NFYC: variants seen among roughly 807,000 people sequenced by gnomAD.
NFYC encodes CAAT box DNA-binding protein subunit C.
In NFYC, 25 loss-of-function variants were observed where a neutral mutation model predicts 53.1. The observed-to-expected ratio is 0.47, with a 90% CI of 0.34 to 0.66. The LOEUF (loss-of-function observed/expected upper bound fraction) is 0.66, where lower values mean the gene tolerates loss of function less well. NFYC is among the 30% of genes least tolerant of loss of function. NFYC has a pLI of 0.01. For missense variants in NFYC, 260 were observed against 422.7 expected, an observed-to-expected ratio of 0.62 and a Z score of 3.38; for synonymous variants, 145 against 152.6, an observed-to-expected ratio of 0.95 and a Z score of 0.37.
chr1:40,755,061 G>C (rs2148712210), intron 5 of NFYC, among the ~76,000 whole-genome samples: 1 of 152,258 alleles, frequency 6.6e-6, no homozygotes, highest in East Asian at 1.9e-4. Flanking sequence ...GTTTTCCCAG[G>C]CTTCAAATTG....
intron 5 of NFYC, 100 bp from the exon 6 acceptor site, chr1:40,758,021 G>C: frequency 7.6e-7 from 1 of 1,319,932 alleles, no homozygotes; most frequent in Admixed American, 1.9e-5. Flanking sequence ...CATTCAGCAG[G>C]CAACTGCACA....
At chr1:40,754,334 C>T in intron 5 of NFYC, 1 of 534,484 alleles carries the variant, frequency 1.9e-6, no homozygotes, top group Non-Finnish European at 3.8e-6. Context: ...GGGTGTGCCT[C>T]ACTGCGTCTC....
At chr1:40,714,258 T>C (rs1424010658) in intron 1 of NFYC, among the ~76,000 whole-genome samples, 1 of 152,206 alleles carries the variant, frequency 6.6e-6, no homozygotes, top group Non-Finnish European at 1.5e-5. Context: ...TTTTAAGCAT[T>C]TGACAAGACT....
chr1:40,705,002 A>G (rs976912620), intron 1 of NFYC, among the ~76,000 whole-genome samples: 1 of 152,220 alleles, frequency 6.6e-6, no homozygotes, highest in African/African-American at 2.4e-5. Context: ...GTTGAATTGG[A>G]TGACATTTAA....
intron 1 of NFYC, among the ~76,000 whole-genome samples, chr1:40,733,268 A>G (rs769544247): frequency 2.0e-5 from 3 of 151,964 alleles, no homozygotes; most frequent in Non-Finnish European, 4.4e-5. Flanking sequence ...AGAGAGGTGC[A>G]GATCGGGCCT....
At chr1:40,692,298 AG>A (rs1642861573) in intron 1 of NFYC, 1 of 156,276 alleles carries the variant, frequency 6.4e-6, no homozygotes, top group Non-Finnish European at 1.4e-5. Flanking sequence ...TTGCGGCGAG[AG>A]GGCGAGCCTA....
intron 1 of NFYC, among the ~76,000 whole-genome samples, chr1:40,701,131 C>T (rs900690199): frequency 6.6e-6 from 1 of 152,128 alleles, no homozygotes; most frequent in Non-Finnish European, 1.5e-5. Context: ...GAGTCTCGCC[C>T]TGTCACCCAG....
At chr1:40,738,731 T>A in intron 1 of NFYC, 105 bp from the exon 2 acceptor site, 1 of 753,450 alleles carries the variant, frequency 1.3e-6, no homozygotes, top group Non-Finnish European at 2.2e-6. Context: ...AACTGAAAGA[T>A]TGAATAGATT....
At chr1:40,766,726 G>A (rs1185261554) in intron 8 of NFYC, 23 bp downstream of exon 8, 3 of 1,602,220 alleles carry the variant, frequency 1.9e-6, no homozygotes, top group African/African-American at 2.7e-5. Flanking sequence ...GAGACACAAG[G>A]CCTGTGTTGG....
rs536820058 is a variant in NFYC, at chr1:40,691,882, G to A, written c.-9+15G>A. 1 of 385,664 alleles carries A rather than the reference G, an allele frequency of 2.6e-6. No homozygotes were observed. The highest frequency in any genetic ancestry group is 5.3e-6 in the Non-Finnish European group (1 of 190,016). The allele number at this position is 385,664 out of a possible 1,614,324, so 23.9% of individuals were successfully genotyped here. A position where few individuals can be genotyped will look rare whatever the true frequency, so the allele number is the denominator to read the frequency against. On this transcript the variant is annotated intron_variant, in intron 1 of 9. Coordinates refer to ENST00000447388, the MANE Select transcript of NFYC (RefSeq NM_014223.5). ...CCTGAGCAGAGGTGTGTGAGTGTGC[G>A]GGAGTTTCTGTGCGAGGGTGATAGG...
At chr1:40,728,771 G>C (rs1020515642) in intron 1 of NFYC, among the ~76,000 whole-genome samples, 1 of 152,026 alleles carries the variant, frequency 6.6e-6, no homozygotes, top group Non-Finnish European at 1.5e-5. Context: ...TTGAGTAGCT[G>C]GGATTACAGG....
chr1:40,714,745 T>C (rs1644062180), intron 1 of NFYC, among the ~76,000 whole-genome samples: 2 of 151,998 alleles, frequency 1.3e-5, no homozygotes, highest in East Asian at 3.9e-4. Context: ...CTCCGAGTAA[T>C]TGGGACTACA....
chr1:40,734,374 T>A (rs1206723919), intron 1 of NFYC, among the ~76,000 whole-genome samples: 2 of 150,496 alleles, frequency 1.3e-5, no homozygotes, highest in Non-Finnish European at 2.9e-5. Context: ...ATTTATTTAT[T>A]TATTTTGAGA....
intron 2 of NFYC, among the ~76,000 whole-genome samples, chr1:40,739,345 C>T (rs920996643): frequency 2.0e-5 from 3 of 152,172 alleles, no homozygotes; most frequent in African/African-American, 4.8e-5. Context: ...ATTTATTCAA[C>T]AACAAATCTA....
chr1:40,769,199 T>A, intron 8 of NFYC, 157 bp from the exon 9 acceptor site: 1 of 704,868 alleles, frequency 1.4e-6, no homozygotes, highest in Non-Finnish European at 2.6e-6. Context: ...CAGTGCTAGA[T>A]TAGGAGGGGT....
chr1:40,753,066 C>T lies in NFYC; in HGVS notation c.292-85C>T, dbSNP rs1481379687. The stretch of plus-strand genomic sequence containing the variant: ...TAGGTGTTTAGTTTGGCTTAAAAGT[C>T]GTCTTACCTTACTTGGAGGGTATAA... On this transcript the variant is annotated intron_variant, in intron 4 of 9. Coordinates refer to ENST00000447388, the MANE Select transcript of NFYC (RefSeq NM_014223.5). The T allele has an allele frequency of 4.6e-5, 43 of 926,850 alleles. No individual in the cohort carries two copies. The East Asian group carries it at 9.0e-4, about 19-fold the overall frequency. The allele number at this position is 926,850 out of a possible 1,614,324, so 57.4% of individuals were successfully genotyped here.
chr1:40,706,924 C>T (rs1643719606), intron 1 of NFYC, among the ~76,000 whole-genome samples: 1 of 152,082 alleles, frequency 6.6e-6, no homozygotes, highest in Admixed American at 6.5e-5. Context: ...AATCCCAGCA[C>T]TTTGGGAGAC....
chr1:40,753,970 CTTAA>C (rs1393014840), intron 5 of NFYC, among the ~76,000 whole-genome samples: 1 of 152,080 alleles, frequency 6.6e-6, no homozygotes, highest in African/African-American at 2.4e-5. Context: ...GCATATAGCT[CTTAA>C]TTGTGATTGT....
At chr1:40,711,392 A>G (rs1643922676) in intron 1 of NFYC, among the ~76,000 whole-genome samples, 1 of 152,178 alleles carries the variant, frequency 6.6e-6, no homozygotes, top group Non-Finnish European at 1.5e-5. Flanking sequence ...TCCAGATTAT[A>G]TATATGATTT....
Sources: gnomAD v4.1 joint callset for allele counts (sites outside exome capture counted in the v4.1 genomes callset) on GRCh38, gnomAD v4.1.1 for gene constraint, MANE v1.5 for transcripts, NCBI Gene and HGNC (gene_info 2026-07-23, HGNC 2026-07-21) for gene names.